NCBP1: variants seen among roughly 807,000 people sequenced by gnomAD.
The protein encoded by NCBP1 is nuclear cap binding protein subunit 1.
NCBP1 carries 16 observed loss-of-function variants against 111.7 expected under a neutral mutation model. The ratio of observed to expected loss-of-function variants is 0.14; its 90% CI spans 0.10 to 0.22. The LOEUF is 0.22. Among genes scored for constraint, NCBP1 ranks in the 10% least tolerant of loss-of-function variants. The probability of loss-of-function intolerance (pLI) is 1.00; values close to 1 mark genes in which losing one functional copy is unlikely to be tolerated. For missense variants in NCBP1, 607 were observed against 957.5 expected, an observed-to-expected ratio of 0.63 and a Z score of 4.83; for synonymous variants, 304 against 314.3, an observed-to-expected ratio of 0.97 and a Z score of 0.35.
intron 2 of NCBP1, 78 bp downstream of exon 2, chr9:97,640,960 A>G (rs1015409154): frequency 5.0e-4 from 567 of 1,132,022 alleles, no homozygotes; most frequent in Non-Finnish European, 6.5e-4. Context: ...TTTGCAGCTG[A>G]AAAGTTGGAC....
rs1343585670 is a variant in NCBP1 at position 97,673,058 on chromosome 9, G to T, written c.*1859G>T. 6.6e-6 allele frequency: 1 copy of T among 152,512 alleles called. No individual in the cohort carries two copies. Among genetic ancestry groups the T allele is most frequent in the African/African-American group, 2.4e-5 (1 of 41,458 alleles). The allele number at this position is 152,512 out of a possible 1,614,324, so 9.4% of individuals were successfully genotyped here. On this transcript the variant is annotated 3_prime_UTR_variant, in exon 23 of 23. Coordinates refer to ENST00000375147, the MANE Select transcript of NCBP1 (RefSeq NM_002486.5). Reference sequence around the variant, plus strand: ...CAGGAGAATCGCTTGAACCTGGGAGGTGGAGGTTTCAGTGAGCCAAGATTG... The same window carrying T: ...CAGGAGAATCGCTTGAACCTGGGAGTTGGAGGTTTCAGTGAGCCAAGATTG...
intron 11 of NCBP1, 126 bp from the exon 12 acceptor site, chr9:97,654,754 T>C (rs1827599057): frequency 1.2e-6 from 1 of 838,602 alleles, no homozygotes; most frequent in African/African-American, 1.7e-5. Flanking sequence ...CAAGATTGAT[T>C]GTGTGAAAAG....
In NCBP1 at chr9:97,653,798, G is replaced by T; in HGVS notation, c.1060G>T (p.Val354Leu). The T allele has an allele frequency of 6.2e-7, 1 of 1,611,370 alleles. No individual in the cohort carries two copies. The highest frequency in any genetic ancestry group is 8.5e-7 in the Non-Finnish European group (1 of 1,177,978). Residue 354 changes from valine (V) to leucine (L), a missense_variant and splice_region_variant, in exon 11 of 23, where the codon GTG (valine) becomes TTG (leucine). Val to Leu is a conservative substitution (Grantham distance 32). Around this residue, in one of 9 missense-constraint regions of NCBP1, gnomAD observed 33 missense variants for 46.5 expected, o/e 0.71. Coordinates refer to ENST00000375147, the MANE Select transcript of NCBP1 (RefSeq NM_002486.5). ...KIPLNYHIVE[V>L]IFAELFQLPA... ...ATTGTGACTCATGATTCTTTTGTAG[G>T]TGATCTTTGCAGAGCTGTTTCAACT... is the stretch of plus-strand genomic sequence containing the variant.
chr9:97,636,544 TTATTA>T (rs1387086949), intron 1 of NCBP1, among the ~76,000 whole-genome samples: 1 of 145,066 alleles, frequency 6.9e-6, no homozygotes, highest in African/African-American at 2.5e-5. Context: ...ATAAGTTTGT[TTATTA>T]TAAGTTTTAT....
At chr9:97,664,225 C>T (rs984237786) in intron 18 of NCBP1, 115 bp from the exon 19 acceptor site, 1 of 605,972 alleles carries the variant, frequency 1.7e-6, no homozygotes, top group African/African-American at 1.9e-5. Flanking sequence ...TCCATAGCCA[C>T]CAAAACTAAA....
intron 20 of NCBP1, among the ~76,000 whole-genome samples, chr9:97,667,177 G>C (rs1265932103): frequency 6.6e-6 from 1 of 152,108 alleles, no homozygotes; most frequent in African/African-American, 2.4e-5. Context: ...GAAGGGAAGA[G>C]GACACTTGTA....
Position 97,645,752 on chromosome 9 carries a change from T to G in NCBP1, c.611+20T>G. 6.2e-7 allele frequency: 1 copy of G among 1,611,748 alleles called. No individual in the cohort carries two copies. Among genetic ancestry groups the G allele is most frequent in the Non-Finnish European group, 8.5e-7 (1 of 1,178,476 alleles). ...TCTTAAGTAAGGGCACAGCTCATAGTACTCTTTGTTGCTTAGGTAAAGGAT... is the reference window on the plus strand; with the variant it reads ...TCTTAAGTAAGGGCACAGCTCATAGGACTCTTTGTTGCTTAGGTAAAGGAT... On this transcript the variant is annotated intron_variant, in intron 6 of 22. Coordinates refer to ENST00000375147, the MANE Select transcript of NCBP1 (RefSeq NM_002486.5).
At chr9:97,636,653 T>C (rs1587992934) in intron 1 of NCBP1, among the ~76,000 whole-genome samples, 1 of 134,152 alleles carries the variant, frequency 7.5e-6, no homozygotes, top group African/African-American at 3.2e-5. Context: ...TATATATATA[T>C]ATATATATAT....
chr9:97,635,411 T>G (rs1056548187), intron 1 of NCBP1, among the ~76,000 whole-genome samples: 1 of 136,170 alleles, frequency 7.3e-6, no homozygotes, highest in African/African-American at 2.8e-5. Context: ...TACAATTCCC[T>G]CCCTTTTTTT....
In NCBP1 at chr9:97,642,314, G is replaced by A. The variant is rs1036599919; in HGVS notation, c.224+652G>A. On this transcript the variant is annotated intron_variant, in intron 3 of 22. Transcript: ENST00000375147. The stretch of plus-strand genomic sequence containing the variant: ...TTTAAGGCTGAACTTGTATTGCTTC[G>A]CAGTGTTCTTTTTTAATTTTTGGTT... Among the ~76,000 whole-genome samples, 9 of 151,962 alleles carry A rather than the reference G, an allele frequency of 5.9e-5. No individual in the cohort carries two copies. The East Asian group carries it at 7.7e-4, about 13-fold the overall frequency.
At chr9:97,661,274 A>G (rs1417363385) in intron 16 of NCBP1, among the ~76,000 whole-genome samples, 1 of 152,244 alleles carries the variant, frequency 6.6e-6, no homozygotes, top group Non-Finnish European at 1.5e-5. Context: ...TTAAGAATAT[A>G]AACTTCATCG....
At position 97,672,672 on chromosome 9, in the gene NCBP1, T is replaced by A. The variant is rs1828226916; in HGVS notation, c.*1473T>A. ...TGTGAGTCTCCTTACACACAGGTTT[T>A]CTTCCACCCCTGAGATGGCAAGACC... On this transcript the variant is annotated 3_prime_UTR_variant, in exon 23 of 23. Transcript: ENST00000375147. 6.1e-6 allele frequency: 1 copy of A among 162,734 alleles called. No homozygotes were observed. The highest frequency in any genetic ancestry group is 1.9e-4 in the South Asian group (1 of 5,156). 10.1% of individuals were successfully genotyped at this position (162,734 alleles called of 1,614,324 possible). A position where few individuals can be genotyped will look rare whatever the true frequency, so the allele number is the denominator to read the frequency against.
At chr9:97,660,219 C>T (rs1244638815) in intron 15 of NCBP1, among the ~76,000 whole-genome samples, 1 of 152,110 alleles carries the variant, frequency 6.6e-6, no homozygotes, top group Non-Finnish European at 1.5e-5. Context: ...TTGTAATTTA[C>T]TTTATTCATT....
intron 2 of NCBP1, 22 bp from the exon 3 acceptor site, chr9:97,641,540 T>C (rs200279207): frequency 1.3e-6 from 2 of 1,545,608 alleles, no homozygotes; most frequent in East Asian, 2.3e-5. Flanking sequence ...TTGACAGATA[T>C]TTAATGTGAT....
chr9:97,667,830 A>G (rs887711592), intron 20 of NCBP1, among the ~76,000 whole-genome samples: 12 of 152,246 alleles, frequency 7.9e-5, no homozygotes, highest in African/African-American at 2.9e-4. Context: ...CGGTCGTAAC[A>G]GGCTGCACAT....
At chr9:97,669,365 G>C (rs1828107268) in intron 21 of NCBP1, among the ~76,000 whole-genome samples, 1 of 152,146 alleles carries the variant, frequency 6.6e-6, no homozygotes, top group South Asian at 2.1e-4. Flanking sequence ...ACTAGGATAA[G>C]TAATTTAAGA....
At chr9:97,647,357 A>G (rs1003794005) in intron 6 of NCBP1, 135 bp from the exon 7 acceptor site, 10 of 632,568 alleles carry the variant, frequency 1.6e-5, no homozygotes, top group Non-Finnish European at 2.5e-5. Flanking sequence ...TACATTATCA[A>G]AACAGTTGAT....
intron 11 of NCBP1, among the ~76,000 whole-genome samples, chr9:97,654,284 T>A (rs1253413753): frequency 6.6e-6 from 1 of 152,208 alleles, no homozygotes; most frequent in Non-Finnish European, 1.5e-5. Flanking sequence ...CACTGCTTTA[T>A]TAGCTAAGTT....
intron 14 of NCBP1, 55 bp downstream of exon 14, chr9:97,656,140 C>A: frequency 7.3e-7 from 1 of 1,366,274 alleles, no homozygotes; most frequent in Non-Finnish European, 1.0e-6. Context: ...TCTTTCTCTT[C>A]TCTGCACTTG....
Sources: gnomAD v4.1 joint callset for allele counts (sites outside exome capture counted in the v4.1 genomes callset) on GRCh38, gnomAD v4.1.1 for gene constraint, gnomAD v4.1.1 regional missense constraint, MANE v1.5 for transcripts, NCBI Gene and HGNC (gene_info 2026-07-23, HGNC 2026-07-21) for gene names.